The following ERI1 variants were observed in gnomAD, a reference collection of about 807,000 sequenced individuals.
ERI1 encodes exoribonuclease 1, also known as 3'-5' exoribonuclease 1.
A neutral mutation model predicts 39.7 loss-of-function variants in ERI1; 39 were observed. That is an observed-to-expected ratio of 0.98 (90% CI 0.76 to 1.28). The LOEUF (loss-of-function observed/expected upper bound fraction) is 1.28. ERI1 is among the 50% of genes most tolerant of loss of function. The pLI is 0.00. For synonymous variants in ERI1, 204 were observed against 149.6 expected (o/e 1.36, Z -2.65); for missense variants, 581 against 416.9 (o/e 1.39, Z -3.43).
In ERI1 at chr8:9,011,614, C is replaced by G. The variant is rs755605434; in HGVS notation, c.360C>G (p.Ser120Arg). Residue 120 changes from serine (S) to arginine (R), a missense_variant, in exon 3 of 7, where the codon AGC (serine) becomes AGG (arginine). Coordinates refer to ENST00000250263, the MANE Select transcript of ERI1 (RefSeq NM_153332.4). The part of the protein sequence containing the change: ...YKKQKLMLKE[S>R]NFADSYYDYI... Reference sequence around the variant, plus strand: ...AGCAGAAGCTGATGCTGAAAGAGAGCAATTTTGCTGACAGTTATTATGACT... The same window carrying G: ...AGCAGAAGCTGATGCTGAAAGAGAGGAATTTTGCTGACAGTTATTATGACT... 6.2e-7 allele frequency: 1 copy of G among 1,613,364 alleles called. No individual in the cohort carries two copies.
At chr8:9,006,896 A>G (rs1816077024) in intron 1 of ERI1, among the ~76,000 whole-genome samples, 1 of 152,210 alleles carries the variant, frequency 6.6e-6, no homozygotes, top group South Asian at 2.1e-4. Flanking sequence ...CATCAGGATC[A>G]GTTCTGAGTT....
At chr8:9,094,406 T>G (rs1799807063) in intron 3 of ERI1, among the ~76,000 whole-genome samples, 1 of 152,166 alleles carries the variant, frequency 6.6e-6, no homozygotes, top group South Asian at 2.1e-4. Context: ...CTCTCTGCAA[T>G]TGCTGCAAGG....
In ERI1 at chr8:9,025,450, C is replaced by T. The variant is rs184564710; in HGVS notation, c.808-4342C>T. Among the ~76,000 whole-genome samples, 614 of 152,338 alleles carry T rather than the reference C, an allele frequency of 4.0e-3. 2 individuals carry two copies. The highest frequency in any genetic ancestry group is 6.2e-3 in the Admixed American group (95 of 15,304). ...ATGAAAAATGTCTGTAAGGAGGCTG[C>T]GTTTTGCAGCGCTTCTTCCAACTGC... On this transcript the variant is annotated intron_variant, in intron 6 of 6. Coordinates refer to ENST00000250263, the MANE Select transcript of ERI1 (RefSeq NM_153332.4).
At chr8:9,035,245 A>G (rs1797805052), downstream of ERI1, among the ~76,000 whole-genome samples, 1 of 152,264 alleles carries the variant, frequency 6.6e-6, no homozygotes, top group Non-Finnish European at 1.5e-5. Flanking sequence ...AGGTGGCCAC[A>G]CCATACAACA....
At chr8:9,095,433 T>C (rs997209644) in intron 3 of ERI1, among the ~76,000 whole-genome samples, 6 of 152,186 alleles carry the variant, frequency 3.9e-5, no homozygotes, top group African/African-American at 1.4e-4. Context: ...GAGTTCAGCA[T>C]TGCAAATTCA....
intron 3 of ERI1, among the ~76,000 whole-genome samples, chr8:9,049,334 T>C (rs1798279349): frequency 3.1e-5 from 1 of 32,316 alleles, no homozygotes; most frequent in African/African-American, 1.3e-4. Flanking sequence ...AGACTCCGTC[T>C]CCAAAAAAAA....
chr8:9,060,404 G>C (rs1450935041), intron 3 of ERI1, among the ~76,000 whole-genome samples: 1 of 152,076 alleles, frequency 6.6e-6, no homozygotes, highest in Non-Finnish European at 1.5e-5. Flanking sequence ...AATCCTGGTG[G>C]GGGGCGGGGG....
At chr8:9,004,040 G>A in intron 1 of ERI1, 1 of 1,277,714 alleles carries the variant, frequency 7.8e-7, no homozygotes, top group African/African-American at 1.5e-5. Flanking sequence ...CTTGGTAATT[G>A]CATCTCACAC....
chr8:9,099,770 T>C (rs1175111754), intron 3 of ERI1: 1 of 152,234 alleles, frequency 6.6e-6, no homozygotes, highest in African/African-American at 2.4e-5. Context: ...TTTGGGGTTG[T>C]TTCTACTTTT....
At chr8:9,080,810 G>C (rs1007317619) in intron 3 of ERI1, among the ~76,000 whole-genome samples, 2 of 152,152 alleles carry the variant, frequency 1.3e-5, no homozygotes, top group African/African-American at 4.8e-5. Flanking sequence ...AGCTAAATGG[G>C]GGGTGGAGGG....
intron 6 of ERI1, among the ~76,000 whole-genome samples, chr8:9,024,463 C>G (rs770433164): frequency 6.6e-6 from 1 of 151,738 alleles, no homozygotes; most frequent in Non-Finnish European, 1.5e-5. Context: ...CTCTGTCATC[C>G]AGCCTGGAGT....
chr8:9,010,044 C>T (rs763618339), intron 2 of ERI1, among the ~76,000 whole-genome samples: 3 of 152,134 alleles, frequency 2.0e-5, no homozygotes, highest in Admixed American at 1.3e-4. Flanking sequence ...AAGAATGAAT[C>T]GAAGTGTTGT....
chr8:9,013,343 A>C (rs1010333600), intron 3 of ERI1, among the ~76,000 whole-genome samples: 3 of 151,192 alleles, frequency 2.0e-5, no homozygotes, highest in East Asian at 3.9e-4. Context: ...AAAAAAAAAA[A>C]ATTAACACTG....
At chr8:9,084,176 C>T (rs1799456539) in intron 3 of ERI1, among the ~76,000 whole-genome samples, 1 of 152,176 alleles carries the variant, frequency 6.6e-6, no homozygotes, top group East Asian at 1.9e-4. Flanking sequence ...GCAGGAGGAT[C>T]ACCTGAGCCT....
At chr8:9,069,113 C>T (rs904686517) in intron 3 of ERI1, among the ~76,000 whole-genome samples, 6 of 152,170 alleles carry the variant, frequency 3.9e-5, no homozygotes, top group Admixed American at 1.3e-4. Flanking sequence ...GCCACCACAT[C>T]GGCCATTTTA....
chr8:9,081,414 TA>T (rs1415269975), intron 3 of ERI1, among the ~76,000 whole-genome samples: 8 of 152,248 alleles, frequency 5.3e-5, no homozygotes, highest in Non-Finnish European at 8.8e-5. Flanking sequence ...TTCTTTATAC[TA>T]GTCTGGTTAC....
rs150320020 is a variant in ERI1 at position 9,081,522 on chromosome 8, C to T, written n.300-34826C>T. ...ATTGCCAGCTCAGCCATTTTCTCTC[C>T]GGCCATCCTTCCCCTGATATGTTCC... On this transcript the variant is annotated intron_variant and non_coding_transcript_variant, in intron 3 of 3. Coordinates refer to the ERI1 transcript ENST00000518663. Among the ~76,000 whole-genome samples the T allele has an allele frequency of 4.2e-3, 633 of 152,218 alleles. 3 individuals are homozygous for T. Among genetic ancestry groups the T allele is most frequent in the Non-Finnish European group, 6.2e-3 (425 of 68,012 alleles).
intron 3 of ERI1, among the ~76,000 whole-genome samples, chr8:9,099,568 C>A (rs1799985594): frequency 6.7e-6 from 1 of 148,378 alleles, no homozygotes; most frequent in Admixed American, 6.7e-5. Flanking sequence ...GCAATCCAGC[C>A]TGGGCAATAG....
At chr8:9,080,838 G>T (rs1799346107) in intron 3 of ERI1, among the ~76,000 whole-genome samples, 1 of 152,162 alleles carries the variant, frequency 6.6e-6, no homozygotes. Context: ...GCAAAGAATG[G>T]GGCAGACAGC....
Sources: gnomAD v4.1 joint callset for allele counts (sites outside exome capture counted in the v4.1 genomes callset) on GRCh38, gnomAD v4.1.1 for gene constraint, MANE v1.5 for transcripts, NCBI Gene and HGNC (gene_info 2026-07-23, HGNC 2026-07-21) for gene names.